BPIFB4: variants seen among roughly 807,000 people sequenced by gnomAD.
BPIFB4 encodes BPI fold-containing family B member 4.
A neutral mutation model predicts 69.2 loss-of-function variants in BPIFB4; 62 were observed. That is an observed-to-expected ratio of 0.90 (90% CI 0.73 to 1.11). The LOEUF (loss-of-function observed/expected upper bound fraction) is 1.11, where lower values mean the gene tolerates loss of function less well. BPIFB4 is among the 50% of genes least tolerant of loss of function. BPIFB4 has a pLI of 0.00. For synonymous variants in BPIFB4, 330 were observed against 332.7 expected (o/e 0.99, Z 0.09); for missense variants, 789 against 792.0 (o/e 1.00, Z 0.04).
intron 5 of BPIFB4, among the ~76,000 whole-genome samples, chr20:33,084,163 A>T (rs1200596036): frequency 6.6e-6 from 1 of 152,226 alleles, no homozygotes; most frequent in Non-Finnish European, 1.5e-5. Context: ...TGGTCATAGT[A>T]ATACAGTGTA....
intron 9 of BPIFB4, 131 bp from the exon 10 acceptor site, chr20:33,090,576 AC>A: frequency 2.1e-6 from 3 of 1,447,468 alleles, no homozygotes; most frequent in Non-Finnish European, 2.7e-6. Flanking sequence ...CAAACCCAGA[AC>A]TTTTGCTCTT....
At chr20:33,087,379 C>T (rs146532377) in intron 7 of BPIFB4, among the ~76,000 whole-genome samples, 2 of 152,260 alleles carry the variant, frequency 1.3e-5, no homozygotes, top group East Asian at 1.9e-4. Flanking sequence ...TCCTTTTATG[C>T]AAAGGGGCAC....
chr20:33,106,299 C>G lies in BPIFB4; in HGVS notation c.1744+1426C>G, dbSNP rs76671652. Among the ~76,000 whole-genome samples, 514 of 152,192 alleles carry G rather than the reference C, an allele frequency of 3.4e-3. 2 individuals are homozygous for G. The highest frequency in any genetic ancestry group is 0.012 in the African/African-American group (491 of 41,536). ...GCTCCACGTGCACTTTCCATTACTT[C>G]ACTCGGCAAACATTTGCCATCTCCT... On this transcript the variant is annotated intron_variant, in intron 16 of 17. Transcript: ENST00000375483.
intron 17 of BPIFB4, among the ~76,000 whole-genome samples, chr20:33,108,686 AG>A (rs1425787844): frequency 1.3e-5 from 2 of 152,110 alleles, no homozygotes; most frequent in Non-Finnish European, 2.9e-5. Flanking sequence ...ACCTACCCAT[AG>A]GGCTGCTTTT....
At chr20:33,111,375 A>G in intron 17 of BPIFB4, 39 bp from the exon 18 acceptor site, 1 of 1,613,700 alleles carries the variant, frequency 6.2e-7, no homozygotes, top group Non-Finnish European at 8.5e-7. Context: ...AGCCAGAGCC[A>G]CCCCACCCAT....
chr20:33,101,062 G>C (rs761931), intron 14 of BPIFB4, among the ~76,000 whole-genome samples: 80,446 of 151,892 alleles, frequency 0.53, 21,923 homozygotes, highest in Middle Eastern at 0.64. Context: ...CAGTGATGAT[G>C]ATGAGGAGGA....
intron 12 of BPIFB4, among the ~76,000 whole-genome samples, chr20:33,096,809 G>A (rs760314151): frequency 1.3e-5 from 2 of 152,214 alleles, no homozygotes; most frequent in African/African-American, 2.4e-5. Context: ...GGAGTCACCA[G>A]GGGAGGGGAC....
At chr20:33,105,945 T>C (rs1982039589) in intron 16 of BPIFB4, among the ~76,000 whole-genome samples, 1 of 152,188 alleles carries the variant, frequency 6.6e-6, no homozygotes, top group Non-Finnish European at 1.5e-5. Flanking sequence ...AATGAGAGCT[T>C]GGACAAGGTC....
At chr20:33,097,569 C>T in intron 12 of BPIFB4, 48 bp from the exon 13 acceptor site, 1 of 1,569,982 alleles carries the variant, frequency 6.4e-7, no homozygotes, top group Non-Finnish European at 8.7e-7. Context: ...CCCCTGGGTA[C>T]CTCCTATGCT....
At chr20:33,091,279 T>C (rs777084174) in intron 10 of BPIFB4, among the ~76,000 whole-genome samples, 3 of 152,228 alleles carry the variant, frequency 2.0e-5, no homozygotes, top group East Asian at 1.9e-4. Flanking sequence ...TAAAAAAAAG[T>C]CCTGATTTGT....
In BPIFB4 at chr20:33,105,001, G is replaced by A. The variant is rs933350348; in HGVS notation, c.1744+128G>A. On this transcript the variant is annotated intron_variant, in intron 16 of 17. Coordinates refer to ENST00000375483, the MANE Select transcript of BPIFB4 (RefSeq NM_182519.3). ...TATTTCTGAGCACTTCCTTTGAAGC[G>A]TGTCGATGAAAGCCTCCAAATCCAA... is the stretch of plus-strand genomic sequence containing the variant. The A allele has an allele frequency of 2.3e-5, 21 of 929,936 alleles. 1 individual carries two copies. Among genetic ancestry groups the A allele is most frequent in the African/African-American group, 6.7e-5 (4 of 60,064 alleles). 57.6% of individuals were successfully genotyped at this position (929,936 alleles called of 1,614,324 possible). A position where few individuals can be genotyped will look rare whatever the true frequency, so the allele number is the denominator to read the frequency against.
chr20:33,108,423 C>CTATATATATA (rs756747954), intron 17 of BPIFB4, among the ~76,000 whole-genome samples: 33 of 125,704 alleles, frequency 2.6e-4, no homozygotes, highest in African/African-American at 6.1e-4. Context: ...ATATATATGT[C>CTATATATATA]TATATATATA....
intron 13 of BPIFB4, among the ~76,000 whole-genome samples, chr20:33,099,054 G>A (rs528150491): frequency 6.6e-6 from 1 of 151,646 alleles, no homozygotes; most frequent in Non-Finnish European, 1.5e-5. Context: ...GTCTAGCTTA[G>A]GGCCCAGCAC....
At chr20:33,110,434 G>C (rs1982201760) in intron 17 of BPIFB4, among the ~76,000 whole-genome samples, 2 of 152,192 alleles carry the variant, frequency 1.3e-5, no homozygotes. Context: ...CACTTTGAGT[G>C]CTTGCTTAAG....
At chr20:33,086,837 C>T (rs1302805227) in intron 7 of BPIFB4, among the ~76,000 whole-genome samples, 1 of 152,178 alleles carries the variant, frequency 6.6e-6, no homozygotes, top group African/African-American at 2.4e-5. Flanking sequence ...CTGGCCAGCA[C>T]GCTGTCCCCA....
chr20:33,081,453 C>T, intron 2 of BPIFB4, 59 bp from the exon 3 acceptor site: 1 of 1,534,790 alleles, frequency 6.5e-7, no homozygotes, highest in South Asian at 1.2e-5. Context: ...CCTAGTGCTA[C>T]CTGCTGGCCA....
chr20:33,107,970 G>A, intron 17 of BPIFB4, 150 bp downstream of exon 17: 1 of 688,828 alleles, frequency 1.5e-6, no homozygotes, highest in Non-Finnish European at 2.6e-6. Context: ...GCATGGGGCT[G>A]AGGGAACAAG....
At chr20:33,094,510 CT>C (rs59777915) in intron 11 of BPIFB4, among the ~76,000 whole-genome samples, 80,921 of 140,690 alleles carry the variant, frequency 0.58, 23,010 homozygotes, top group Middle Eastern at 0.63. Flanking sequence ...TTCTTTCTTT[CT>C]TTTTTTTTTT....
chr20:33,089,091 A>G (rs1198206251), intron 8 of BPIFB4, 62 bp downstream of exon 8: 1 of 1,610,956 alleles, frequency 6.2e-7, no homozygotes, highest in African/African-American at 1.3e-5. Context: ...GAGGGGCCAT[A>G]GTCCAGCCTC....
Sources: allele counts gnomAD v4.1 joint callset (sites outside exome capture counted in the v4.1 genomes callset), GRCh38; gene constraint gnomAD v4.1.1; transcripts MANE v1.5; gene names NCBI Gene and HGNC (gene_info 2026-07-23, HGNC 2026-07-21).